Variants in FRMD3 observed in about 807,000 individuals in gnomAD.
The protein encoded by FRMD3 is FERM domain-containing protein 3.
FRMD3 carries 33 observed loss-of-function variants against 70.2 expected under a neutral mutation model. That is an observed-to-expected ratio of 0.47 (90% confidence interval 0.36 to 0.63). The LOEUF (loss-of-function observed/expected upper bound fraction) is 0.63, where lower values mean the gene tolerates loss of function less well. Ranked by LOEUF, FRMD3 falls within the 20% of genes least tolerant of loss-of-function variation. The probability of loss-of-function intolerance (pLI) is 0.00; values close to 1 mark genes in which losing one functional copy is unlikely to be tolerated. For missense variants in FRMD3, 632 were observed against 711.4 expected, an observed-to-expected ratio of 0.89 and a Z score of 1.27; for synonymous variants, 279 against 255.9, an observed-to-expected ratio of 1.09 and a Z score of -0.86.
chr9:83,341,245 T>C (rs1823744418), intron 5 of FRMD3, among the ~76,000 whole-genome samples: 1 of 152,194 alleles, frequency 6.6e-6, no homozygotes, highest in Non-Finnish European at 1.5e-5. Context: ...AAAGGTCTTT[T>C]TGAGGTCTGC....
At chr9:83,300,988 G>A (rs1834901626) in intron 10 of FRMD3, among the ~76,000 whole-genome samples, 2 of 152,188 alleles carry the variant, frequency 1.3e-5, no homozygotes, top group African/African-American at 2.4e-5. Flanking sequence ...AGCCAAAGAT[G>A]ACACAGAAGG....
chr9:83,395,674 A>C (rs574221213), intron 1 of FRMD3, among the ~76,000 whole-genome samples: 35 of 152,264 alleles, frequency 2.3e-4, no homozygotes, highest in African/African-American at 8.2e-4. Context: ...TTCAACTCCC[A>C]AGTTCAGCAG....
chr9:83,493,731 A>G lies in FRMD3; in HGVS notation c.147+44354T>C, dbSNP rs1050714841. On this transcript the variant is annotated intron_variant, in intron 1 of 13. Coordinates refer to ENST00000304195, the MANE Select transcript of FRMD3 (RefSeq NM_174938.6). Reference sequence around the variant, plus strand: ...CTTATTGCTCACAGAACCCCCATAAACATCTCAAGGATCAGATCGCATAGA... The same window carrying G: ...CTTATTGCTCACAGAACCCCCATAAGCATCTCAAGGATCAGATCGCATAGA... Among the ~76,000 whole-genome samples, 4 of 152,304 alleles carry G rather than the reference A, an allele frequency of 2.6e-5. No homozygotes were observed. In the South Asian group the frequency reaches 8.3e-4, roughly 32 times the overall value.
intron 1 of FRMD3, among the ~76,000 whole-genome samples, chr9:83,512,552 A>T (rs569634167): frequency 1.4e-4 from 21 of 152,218 alleles, no homozygotes; most frequent in Admixed American, 1.2e-3. Flanking sequence ...ACCTTTCTAA[A>T]CCCATCTGCG....
upstream of FRMD3, among the ~76,000 whole-genome samples, chr9:83,540,503 A>G (rs898601654): frequency 6.6e-6 from 1 of 152,234 alleles, no homozygotes; most frequent in Non-Finnish European, 1.5e-5. Flanking sequence ...TGGCCTGATT[A>G]GGAATAAAGG....
intron 1 of FRMD3, among the ~76,000 whole-genome samples, chr9:83,428,293 G>T (rs1826870374): frequency 1.3e-5 from 2 of 151,944 alleles, no homozygotes; most frequent in Admixed American, 1.3e-4. Context: ...CAGAAGAATT[G>T]CTTGAACCCG....
At chr9:83,494,567 C>G (rs1392758744) in intron 1 of FRMD3, among the ~76,000 whole-genome samples, 2 of 152,118 alleles carry the variant, frequency 1.3e-5, no homozygotes, top group African/African-American at 4.8e-5. Flanking sequence ...AAATTATTTT[C>G]TTTACAATAG....
chr9:83,438,590 G>A (rs1365629616), intron 1 of FRMD3, among the ~76,000 whole-genome samples: 1 of 152,144 alleles, frequency 6.6e-6, no homozygotes, highest in African/African-American at 2.4e-5. Context: ...AGTAGAGACA[G>A]GGTTTCACCA....
chr9:83,305,890 T>A (rs1835113318), intron 10 of FRMD3, among the ~76,000 whole-genome samples: 1 of 152,216 alleles, frequency 6.6e-6, no homozygotes, highest in African/African-American at 2.4e-5. Flanking sequence ...TTCTGAAGCA[T>A]CCACAAGTGA....
intron 13 of FRMD3, among the ~76,000 whole-genome samples, chr9:83,256,671 G>GA (rs148078066): frequency 6.1e-5 from 9 of 147,648 alleles, no homozygotes; most frequent in East Asian, 2.0e-4. Flanking sequence ...TTTATCAGGG[G>GA]AAAAAAAAAC....
Position 83,247,069 on chromosome 9 carries a change from C to A in FRMD3, c.*849G>T. The A allele has an allele frequency of 1.0e-6, 1 of 985,344 alleles. No individual in the cohort carries two copies. Among genetic ancestry groups the A allele is most frequent in the Non-Finnish European group, 1.2e-6 (1 of 829,930 alleles). The allele number at this position is 985,344 out of a possible 1,614,324, so 61.0% of individuals were successfully genotyped here. On this transcript the variant is annotated 3_prime_UTR_variant, in exon 14 of 14. Coordinates refer to ENST00000304195, the MANE Select transcript of FRMD3 (RefSeq NM_174938.6). ...TTTTTAAAACATCTGCTTCTCCAGC[C>A]AAAATATACGGACAGAATACAAATG...
chr9:83,517,621 C>T (rs1277192106), intron 1 of FRMD3, among the ~76,000 whole-genome samples: 2 of 151,808 alleles, frequency 1.3e-5, no homozygotes, highest in African/African-American at 4.8e-5. Flanking sequence ...AAAAGAGGGA[C>T]TCATCCCTAA....
intron 1 of FRMD3, among the ~76,000 whole-genome samples, chr9:83,423,585 C>CTTTTTTTTTTT (rs869226126): frequency 0.016 from 948 of 60,490 alleles, 165 homozygotes; most frequent in Non-Finnish European, 0.021. Context: ...AGCCCTGTTT[C>CTTTTTTTTTTT]TTTTTTTTTT....
chr9:83,570,736 A>T, the FRMD3 span, among the ~76,000 whole-genome samples: 9 of 152,162 alleles, frequency 5.9e-5, no homozygotes, highest in African/African-American at 2.2e-4. Flanking sequence ...CTGACTTACA[A>T]ACTGACAGGA....
At chr9:83,554,595 C>T in the FRMD3 span, among the ~76,000 whole-genome samples, 1 of 152,224 alleles carries the variant, frequency 6.6e-6, no homozygotes, top group Admixed American at 6.5e-5. Flanking sequence ...GACTGGCCTC[C>T]TCTTCTTGGG....
intron 1 of FRMD3, among the ~76,000 whole-genome samples, chr9:83,419,517 T>C (rs1826563230): frequency 6.6e-6 from 1 of 151,212 alleles, no homozygotes. Flanking sequence ...TGAGTGTGTG[T>C]GATATGTGTT....
At chr9:83,445,379 T>TAGATAGAC (rs1554706371) in intron 1 of FRMD3, among the ~76,000 whole-genome samples, 11,620 of 150,598 alleles carry the variant, frequency 0.077, 553 homozygotes, top group African/African-American at 0.11. Flanking sequence ...GATAGATAGA[T>TAGATAGAC]AGACAGATAG....
chr9:83,288,881 C>T lies in FRMD3; in HGVS notation c.1195+1722G>A, dbSNP rs190278019. ...AGTTTGACCAGGTTCCCTTTCACAT[C>T]TTGGGGGATCATAAGGCAGCAGGCC... On this transcript the variant is annotated intron_variant, in intron 13 of 13. Transcript: ENST00000304195. 1.1e-4 allele frequency among the ~76,000 whole-genome samples: 16 copies of T among 152,278 alleles called. No individual in the cohort carries two copies. In the East Asian group the frequency reaches 2.7e-3, roughly 26 times the overall value.
At chr9:83,289,889 C>T (rs1446248541) in intron 13 of FRMD3, among the ~76,000 whole-genome samples, 1 of 152,136 alleles carries the variant, frequency 6.6e-6, no homozygotes, top group African/African-American at 2.4e-5. Context: ...AGATTCTTCC[C>T]TGAAGTAAGG....
Sources: gnomAD v4.1 joint callset for allele counts (sites outside exome capture counted in the v4.1 genomes callset) on GRCh38, gnomAD v4.1.1 for gene constraint, MANE v1.5 for transcripts, NCBI Gene and HGNC (gene_info 2026-07-23, HGNC 2026-07-21) for gene names.